Variants in PCDH15 observed in about 807,000 individuals in gnomAD.
PCDH15 encodes the protein protocadherin-15.
A neutral mutation model predicts 178.5 loss-of-function variants in PCDH15; 129 were observed. The ratio of observed to expected loss-of-function variants is 0.72; its 90% CI spans 0.63 to 0.84. The LOEUF is 0.84. Ranked by LOEUF, PCDH15 falls within the 40% of genes least tolerant of loss-of-function variation. PCDH15 has a pLI of 0.00. For synonymous variants in PCDH15, 800 were observed against 732.0 expected (o/e 1.09, Z -1.50); for missense variants, 2,230 against 2,099.9 (o/e 1.06, Z -1.21).
chr10:53,824,551 C>A (rs966499451), intron 32 of PCDH15, among the ~76,000 whole-genome samples: 1 of 152,064 alleles, frequency 6.6e-6, no homozygotes, highest in African/African-American at 2.4e-5. Context: ...GAGAAAGAAA[C>A]AATTCACACA....
chr10:55,062,558 G>T (rs1411551318), intron 2 of PCDH15, among the ~76,000 whole-genome samples: 1 of 152,158 alleles, frequency 6.6e-6, no homozygotes, highest in African/African-American at 2.4e-5. Flanking sequence ...ACAGTGAAAT[G>T]ATCAGTAATT....
intron 3 of PCDH15, among the ~76,000 whole-genome samples, chr10:54,499,292 G>T (rs993382861): frequency 7.2e-5 from 11 of 152,040 alleles, no homozygotes; most frequent in African/African-American, 2.7e-4. Flanking sequence ...AGATATTTGG[G>T]TTCTAGAGTC....
chr10:54,257,137 AT>A (rs138461602), intron 8 of PCDH15, among the ~76,000 whole-genome samples: 3,095 of 152,114 alleles, frequency 0.02, 90 homozygotes, highest in African/African-American at 0.07. Context: ...TGATGGACTG[AT>A]TTTTTTAGGT....
intron 10 of PCDH15, among the ~76,000 whole-genome samples, chr10:54,211,721 G>GA (rs1375313512): frequency 6.6e-6 from 1 of 151,650 alleles, no homozygotes; most frequent in Non-Finnish European, 1.5e-5. Flanking sequence ...TAGGGCCAAT[G>GA]AAAAAATGAA....
intron 13 of PCDH15, among the ~76,000 whole-genome samples, chr10:54,182,157 G>A (rs984552241): frequency 2.6e-5 from 4 of 152,112 alleles, no homozygotes; most frequent in Non-Finnish European, 4.4e-5. Context: ...AGTAGAGGTG[G>A]GGTTTCACCA....
intron 2 of PCDH15, among the ~76,000 whole-genome samples, chr10:55,471,530 T>C (rs1009745662): frequency 6.6e-6 from 1 of 152,216 alleles, no homozygotes; most frequent in East Asian, 1.9e-4. Context: ...ATGTTTTTGA[T>C]GTTTTTATCT....
At position 53,821,993 on chromosome 10, in the gene PCDH15, A is replaced by G. The variant is rs2076298772; in HGVS notation, c.4368-1763T>C. 5 of 1,613,942 alleles carry G rather than the reference A, an allele frequency of 3.1e-6. No individual in the cohort carries two copies. Among genetic ancestry groups the G allele is most frequent in the Non-Finnish European group, 3.4e-6 (4 of 1,179,886 alleles). Reference sequence around the variant, plus strand: ...GGCACATAGTTTGAAGTTCTGAAACATTTGTGCGTAGATAGTTTTTTTCTA... The same window carrying G: ...GGCACATAGTTTGAAGTTCTGAAACGTTTGTGCGTAGATAGTTTTTTTCTA... On this transcript the variant is annotated intron_variant, in intron 32 of 37. Coordinates refer to ENST00000644397, the MANE Select transcript of PCDH15 (RefSeq NM_001384140.1).
intron 3 of PCDH15, among the ~76,000 whole-genome samples, chr10:54,836,689 ATAAAC>A (rs1564554156): frequency 2.0e-5 from 3 of 152,138 alleles, no homozygotes; most frequent in African/African-American, 4.8e-5. Context: ...TTTAATATGA[ATAAAC>A]TAAATCAATT....
At chr10:55,363,612 G>A (rs2131981162) in intron 2 of PCDH15, among the ~76,000 whole-genome samples, 1 of 152,084 alleles carries the variant, frequency 6.6e-6, no homozygotes, top group Non-Finnish European at 1.5e-5. Context: ...TATTTGATAC[G>A]TTTCGGCTTT....
chr10:54,329,752 TG>T (rs1939046816), intron 6 of PCDH15, 46 bp from the exon 7 acceptor site: 1 of 1,216,706 alleles, frequency 8.2e-7, no homozygotes, highest in African/African-American at 1.5e-5. Flanking sequence ...GAATGTAAGA[TG>T]AATTAATAAC....
At chr10:54,927,214 G>A (rs1011988038) in intron 2 of PCDH15, among the ~76,000 whole-genome samples, 2 of 152,006 alleles carry the variant, frequency 1.3e-5, no homozygotes, top group Non-Finnish European at 2.9e-5. Context: ...TTAGAATCAG[G>A]TTATTGCATT....
At chr10:54,651,210 A>G (rs564486772) in intron 2 of PCDH15, among the ~76,000 whole-genome samples, 2 of 152,182 alleles carry the variant, frequency 1.3e-5, no homozygotes, top group African/African-American at 4.8e-5. Context: ...AGACTTTAAA[A>G]CAATATAGAC....
intron 1 of PCDH15, among the ~76,000 whole-genome samples, chr10:55,207,678 A>C (rs1242645971): frequency 6.6e-6 from 1 of 152,192 alleles, no homozygotes; most frequent in Non-Finnish European, 1.5e-5. Flanking sequence ...GTTCAAATTA[A>C]TACATACAGG....
Position 55,563,985 on chromosome 10 carries a change from T to C in PCDH15, c.-156+63640A>G, listed in dbSNP as rs1011091644. On this transcript the variant is annotated intron_variant, in intron 2 of 5. Transcript: ENST00000613346. ...ACTCAAAGCTATATGAATAAGTATA[T>C]ATCTCAGTAAAGGTAAACGCATGGA... is the stretch of plus-strand genomic sequence containing the variant. 4.6e-5 allele frequency among the ~76,000 whole-genome samples: 7 copies of C among 151,906 alleles called. No homozygotes were observed. The East Asian group carries it at 1.4e-3, about 29-fold the overall frequency.
intron 2 of PCDH15, among the ~76,000 whole-genome samples, chr10:55,395,188 TGTGTGTGTGA>T (rs1274531266): frequency 4.4e-5 from 4 of 89,972 alleles, no homozygotes; most frequent in Admixed American, 1.2e-4. Flanking sequence ...TGTGTGTGTG[TGTGTGTGTGA>T]GAGAGAGAGA....
chr10:54,157,150 T>C (rs1268713961), intron 13 of PCDH15, among the ~76,000 whole-genome samples: 1 of 152,214 alleles, frequency 6.6e-6, no homozygotes, highest in Non-Finnish European at 1.5e-5. Context: ...GGCACTCTTC[T>C]CACAGCTCCA....
At chr10:55,029,087 G>A (rs1189569248) in intron 2 of PCDH15, among the ~76,000 whole-genome samples, 1 of 151,790 alleles carries the variant, frequency 6.6e-6, no homozygotes, top group Non-Finnish European at 1.5e-5. Context: ...CTTGCTGTAA[G>A]TTGCCCTGTA....
rs144723912 is a variant in PCDH15 at position 54,939,279 on chromosome 10, G to A, written c.-79-41779C>T. ...GGAGGCTGAGGTGGGTGGATCACGA[G>A]GTCAGGAGATTGAGACCATCCTGGC... is the stretch of plus-strand genomic sequence containing the variant. On this transcript the variant is annotated intron_variant, in intron 2 of 5. Coordinates refer to the PCDH15 transcript ENST00000458638. 4.5e-3 allele frequency among the ~76,000 whole-genome samples: 679 copies of A among 151,674 alleles called. 7 individuals carry two copies. The highest frequency in any genetic ancestry group is 0.016 in the African/African-American group (651 of 41,420).
chr10:54,868,866 T>A (rs1302168680), intron 3 of PCDH15, among the ~76,000 whole-genome samples: 1 of 152,124 alleles, frequency 6.6e-6, no homozygotes, highest in African/African-American at 2.4e-5. Flanking sequence ...GGTGGACATA[T>A]AAGATACAAA....
Sources: allele counts gnomAD v4.1 joint callset (sites outside exome capture counted in the v4.1 genomes callset), GRCh38; gene constraint gnomAD v4.1.1; transcripts MANE v1.5; gene names NCBI Gene and HGNC (gene_info 2026-07-23, HGNC 2026-07-21).